The following NARS2 variants were observed in gnomAD, a reference collection of about 807,000 sequenced individuals.
NARS2 encodes asparaginyl-tRNA synthetase.
Under a neutral mutation model 62.9 loss-of-function variants are expected in NARS2, and 60 were observed. That is an observed-to-expected ratio of 0.95 (90% CI 0.77 to 1.18). NARS2 has a LOEUF of 1.18. Among genes scored for constraint, NARS2 ranks in the 50% most tolerant of loss-of-function variants. NARS2 has a pLI of 0.00. For missense variants in NARS2, 619 were observed against 576.4 expected, an observed-to-expected ratio of 1.07 and a Z score of -0.76; for synonymous variants, 196 against 200.0, an observed-to-expected ratio of 0.98 and a Z score of 0.17.
intron 6 of NARS2, among the ~76,000 whole-genome samples, chr11:78,519,246 G>T (rs533630526): frequency 4.6e-5 from 7 of 152,230 alleles, no homozygotes; most frequent in African/African-American, 1.7e-4. Context: ...TATCTGAATT[G>T]ATTAAATAAT....
At chr11:78,482,350 A>T (rs1859392285) in intron 7 of NARS2, among the ~76,000 whole-genome samples, 1 of 152,174 alleles carries the variant, frequency 6.6e-6, no homozygotes, top group African/African-American at 2.4e-5. Context: ...GAGAAGCAAG[A>T]GCAAACAAAT....
At chr11:78,536,716 T>A (rs1032624964) in intron 5 of NARS2, among the ~76,000 whole-genome samples, 10 of 152,130 alleles carry the variant, frequency 6.6e-5, no homozygotes, top group Non-Finnish European at 2.9e-5. Flanking sequence ...TAATAATTAA[T>A]CTATTACTGA....
chr11:78,546,843 A>G (rs60698052), intron 5 of NARS2, among the ~76,000 whole-genome samples: 3,637 of 152,340 alleles, frequency 0.024, 134 homozygotes, highest in African/African-American at 0.083. Context: ...TCCTGTGGAC[A>G]TCTCTGATCA....
At chr11:78,481,248 G>A (rs192089605) in intron 7 of NARS2, among the ~76,000 whole-genome samples, 108 of 152,300 alleles carry the variant, frequency 7.1e-4, no homozygotes, top group South Asian at 1.0e-3. Context: ...CAATGGGGAG[G>A]GTGAGAGGGG....
At chr11:78,562,431 A>AAAC (rs1404119019) in intron 4 of NARS2, among the ~76,000 whole-genome samples, 1 of 152,194 alleles carries the variant, frequency 6.6e-6, no homozygotes, top group Non-Finnish European at 1.5e-5. Flanking sequence ...CTTCATCTCA[A>AAAC]AACAACAACA....
At chr11:78,513,987 C>T (rs764929734) in intron 6 of NARS2, among the ~76,000 whole-genome samples, 2 of 152,284 alleles carry the variant, frequency 1.3e-5, no homozygotes, top group Non-Finnish European at 1.5e-5. Flanking sequence ...CCATGTGAGA[C>T]GCATACTCCT....
intron 11 of NARS2, among the ~76,000 whole-genome samples, chr11:78,463,820 G>A (rs946218831): frequency 1.3e-5 from 2 of 151,208 alleles, no homozygotes; most frequent in African/African-American, 4.9e-5. Context: ...GCTGAGACAG[G>A]GAAAATCTGC....
chr11:78,478,666 G>T lies in NARS2; in HGVS notation c.840C>A (p.Phe280Leu). ...QDLMQVIEEL[F>L]KATTMMVLSK... ...AGAGAACCATCATTGTTGTAGCCTT[G>T]AACAGTTCCTCTATAACCTAAGAGA... is the stretch of plus-strand genomic sequence containing the variant. The change falls in exon 8 of 14, where the codon TTC (phenylalanine) becomes TTA (leucine). Residue 280 changes from phenylalanine to leucine, a missense_variant. By Grantham distance (22) the Phe-to-Leu change is conservative (BLOSUM62 0). Transcript: ENST00000281038. 1 of 1,608,806 alleles carries T rather than the reference G, an allele frequency of 6.2e-7. No homozygotes were observed. The highest frequency in any genetic ancestry group is 8.5e-7 in the Non-Finnish European group (1 of 1,176,740).
intron 6 of NARS2, among the ~76,000 whole-genome samples, chr11:78,527,029 TTAAA>T (rs1176950013): frequency 6.6e-6 from 1 of 152,174 alleles, no homozygotes; most frequent in Non-Finnish European, 1.5e-5. Context: ...TAATATTGAA[TTAAA>T]TAACCCGTAT....
intron 5 of NARS2, among the ~76,000 whole-genome samples, chr11:78,535,244 T>C (rs889960433): frequency 6.6e-6 from 1 of 152,244 alleles, no homozygotes; most frequent in African/African-American, 2.4e-5. Flanking sequence ...AATGCTGTGG[T>C]AATTTCTGTT....
chr11:78,552,128 G>A (rs903223399), intron 5 of NARS2, among the ~76,000 whole-genome samples: 4 of 152,080 alleles, frequency 2.6e-5, no homozygotes, highest in East Asian at 1.9e-4. Flanking sequence ...TATCTTTTCC[G>A]CTCTTCTCCC....
intron 9 of NARS2, among the ~76,000 whole-genome samples, chr11:78,473,519 T>C (rs571030026): frequency 6.6e-6 from 1 of 152,260 alleles, no homozygotes; most frequent in South Asian, 2.1e-4. Context: ...TCAAGTTTGG[T>C]TTTATATTGA....
chr11:78,457,252 G>C (rs1858199492), intron 11 of NARS2, among the ~76,000 whole-genome samples: 1 of 152,094 alleles, frequency 6.6e-6, no homozygotes, highest in African/African-American at 2.4e-5. Context: ...TTACCCTCTG[G>C]CCAAAAGTTA....
chr11:78,476,978 T>C (rs1859126744), intron 9 of NARS2, among the ~76,000 whole-genome samples: 2 of 152,198 alleles, frequency 1.3e-5, no homozygotes, highest in African/African-American at 4.8e-5. Context: ...GGATTCTCCA[T>C]CTGTAGAATG....
At chr11:78,552,712 C>T (rs1346796593) in intron 5 of NARS2, among the ~76,000 whole-genome samples, 1 of 152,168 alleles carries the variant, frequency 6.6e-6, no homozygotes, top group Non-Finnish European at 1.5e-5. Context: ...TTCGAGTTCT[C>T]CCATCTTTCT....
chr11:78,439,569 T>C (rs1009234752), intron 13 of NARS2, among the ~76,000 whole-genome samples: 2 of 152,150 alleles, frequency 1.3e-5, no homozygotes, highest in Admixed American at 6.6e-5. Context: ...GTGAAGGAGA[T>C]AGTATCATTC....
chr11:78,485,420 G>C (rs958510808), intron 7 of NARS2, among the ~76,000 whole-genome samples: 2 of 151,814 alleles, frequency 1.3e-5, no homozygotes, highest in South Asian at 2.1e-4. Flanking sequence ...AAAAAACTCT[G>C]GTCAGAATAC....
At position 78,552,416 on chromosome 11, in the gene NARS2, C is replaced by T. The variant is rs182025615; in HGVS notation, c.594+7123G>A. On this transcript the variant is annotated intron_variant, in intron 5 of 13. Transcript: ENST00000281038. ...CACTGATGGGCACTTAGGTTGACTCCGTATCTTTGCTATTGTGAACAGTGA... is the reference window on the plus strand; with the variant it reads ...CACTGATGGGCACTTAGGTTGACTCTGTATCTTTGCTATTGTGAACAGTGA... 1.5e-4 allele frequency among the ~76,000 whole-genome samples: 23 copies of T among 152,192 alleles called. No homozygotes were observed. In the East Asian group the frequency reaches 4.4e-3, roughly 29 times the overall value.
chr11:78,515,426 G>C (rs1465138615), intron 6 of NARS2, among the ~76,000 whole-genome samples: 2 of 152,170 alleles, frequency 1.3e-5, no homozygotes, highest in Non-Finnish European at 2.9e-5. Context: ...AACGGGTTTG[G>C]AGTTTCTTTT....
Sources: gnomAD v4.1 joint callset for allele counts (sites outside exome capture counted in the v4.1 genomes callset) on GRCh38, gnomAD v4.1.1 for gene constraint, MANE v1.5 for transcripts, NCBI Gene and HGNC (gene_info 2026-07-23, HGNC 2026-07-21) for gene names.